Variants in DCAF1 observed in about 807,000 individuals in gnomAD.
DCAF1 encodes the protein DDB1 and CUL4 associated factor 1.
In DCAF1, 15 loss-of-function variants were observed where a neutral mutation model predicts 128.0. That is an observed-to-expected ratio of 0.12 (90% CI 0.08 to 0.18). DCAF1 has a LOEUF of 0.18. Ranked by LOEUF, DCAF1 falls within the 10% of genes least tolerant of loss-of-function variation. DCAF1 has a pLI of 1.00. For synonymous variants in DCAF1, 610 were observed against 603.0 expected (o/e 1.01, Z -0.17); for missense variants, 988 against 1,649.5 (o/e 0.60, Z 6.95).
intron 2 of DCAF1, among the ~76,000 whole-genome samples, chr3:51,494,556 A>G (rs1297038647): frequency 6.6e-6 from 1 of 152,164 alleles, no homozygotes; most frequent in East Asian, 1.9e-4. Context: ...ATTTACCACA[A>G]TTTTTTAATG....
At chr3:51,457,548 AG>A (rs1350360493) in intron 6 of DCAF1, among the ~76,000 whole-genome samples, 1 of 152,230 alleles carries the variant, frequency 6.6e-6, no homozygotes, top group Non-Finnish European at 1.5e-5. Context: ...ATTCAAATTA[AG>A]GAAATACACA....
intron 6 of DCAF1, among the ~76,000 whole-genome samples, chr3:51,457,059 C>T (rs1448634048): frequency 1.3e-5 from 2 of 152,102 alleles, no homozygotes; most frequent in African/African-American, 2.4e-5. Context: ...CAAAGCTGGA[C>T]GGAGAATGAC....
At position 51,420,017 on chromosome 3, in the gene DCAF1, T is replaced by C. The variant is rs1553631825; in HGVS notation, c.2953A>G (p.Ser985Gly). 6.2e-7 allele frequency: 1 copy of C among 1,614,032 alleles called. No homozygotes were observed. The highest frequency in any genetic ancestry group is 8.5e-7 in the Non-Finnish European group (1 of 1,179,906). Reference sequence around the variant, plus strand: ...TGTTTTTTTATGGCTGGGCTTTGGCTGTAGGCACCATGGTCCGACTTCTGC... The same window carrying C: ...TGTTTTTTTATGGCTGGGCTTTGGCCGTAGGCACCATGGTCCGACTTCTGC... ...LRQKSDHGAY[S>G]QSPAIKKQLD... Residue 985 changes from serine (S) to glycine (G), a missense_variant, in exon 15 of 25, where the codon AGC (serine) becomes GGC (glycine). Physicochemically the swap from Ser to Gly is moderately conservative, Grantham distance 56. Transcript: ENST00000684031. The surrounding 1 kb of genome is among the most constrained non-coding windows in gnomAD (Gnocchi z 6.5).
Position 51,403,155 on chromosome 3 carries a change from T to C in DCAF1, c.4453A>G (p.Ile1485Val), listed in dbSNP as rs2089857353. The C allele has an allele frequency of 5.6e-6, 9 of 1,612,348 alleles. No homozygotes were observed. The highest frequency in any genetic ancestry group is 7.6e-6 in the Non-Finnish European group (9 of 1,179,066). ...GCCCTATACTTACTGTCCCCCAGGA[T>C]CAGTTCCACCTCCTCATCTGCATCA... ...DSDADEEVEL[I>V]LGDTDSSDNS... Residue 1485 changes from isoleucine (I) to valine (V), a missense_variant, in exon 24 of 25, where the codon ATC becomes GTC. Coordinates refer to ENST00000684031, the MANE Select transcript of DCAF1 (RefSeq NM_001387579.1).
At chr3:51,446,296 G>A (rs914630240) in intron 6 of DCAF1, among the ~76,000 whole-genome samples, 10 of 152,034 alleles carry the variant, frequency 6.6e-5, no homozygotes, top group Non-Finnish European at 8.8e-5. Context: ...CACCGCACCC[G>A]GCCAAGTTCT....
chr3:51,493,256 A>C (rs1252613243), intron 2 of DCAF1, among the ~76,000 whole-genome samples: 3 of 151,180 alleles, frequency 2.0e-5, no homozygotes, highest in Admixed American at 6.6e-5. Context: ...GACCAGCCTG[A>C]CCAACATGGA....
At chr3:51,466,774 C>A (rs782571430) in intron 5 of DCAF1, 29 bp downstream of exon 5, 4 of 1,600,794 alleles carry the variant, frequency 2.5e-6, no homozygotes, top group Non-Finnish European at 1.7e-6. Context: ...AGATGATAAT[C>A]GCTGGAGAAA....
At chr3:51,470,572 A>C (rs1014593703) in intron 4 of DCAF1, among the ~76,000 whole-genome samples, 1 of 152,196 alleles carries the variant, frequency 6.6e-6, no homozygotes. Flanking sequence ...TCTCCAAAAA[A>C]GAAAAAGTCT....
At chr3:51,438,865 C>T (rs1175613012) in intron 9 of DCAF1, among the ~76,000 whole-genome samples, 2 of 152,214 alleles carry the variant, frequency 1.3e-5, no homozygotes, top group African/African-American at 4.8e-5. Context: ...CCTGCCTCAG[C>T]CTCCCAAAGT....
At chr3:51,450,866 G>A (rs1702273522) in intron 6 of DCAF1, among the ~76,000 whole-genome samples, 1 of 151,882 alleles carries the variant, frequency 6.6e-6, no homozygotes, top group South Asian at 2.1e-4. Context: ...GAAATTAAAG[G>A]AATCCAGATT....
intron 11 of DCAF1, among the ~76,000 whole-genome samples, 156 bp downstream of exon 11, chr3:51,429,877 T>C (rs1324916470): frequency 2.0e-5 from 3 of 151,496 alleles, no homozygotes; most frequent in African/African-American, 7.3e-5. Flanking sequence ...AAAGAGAAAT[T>C]TGTGAAGAAA....
At chr3:51,422,924 C>T (rs1211395512) in intron 13 of DCAF1, among the ~76,000 whole-genome samples, 8 of 151,664 alleles carry the variant, frequency 5.3e-5, no homozygotes, top group South Asian at 2.1e-4. Context: ...AGATATTAGC[C>T]GGGTGTGGTA....
At position 51,413,976 on chromosome 3, in the gene DCAF1, T is replaced by C. The variant is rs781941343; in HGVS notation, c.3905A>G (p.Asn1302Ser). 6 of 1,597,462 alleles carry C rather than the reference T, an allele frequency of 3.8e-6. No individual in the cohort carries two copies. Among genetic ancestry groups the C allele is most frequent in the South Asian group, 2.3e-5 (2 of 86,758 alleles). ...TCCATACATCACTGTTCCCGTGTGA[T>C]TGAACACCACGCGACACTGATCCAG... is the stretch of plus-strand genomic sequence containing the variant. ...PALDQCRVVF[N>S]HTGTVMYGAM... The change falls in exon 20 of 25, where the codon AAT becomes AGT. Residue 1302 changes from asparagine to serine, a missense_variant. Physicochemically the swap from Asn to Ser is conservative, Grantham distance 46. Transcript: ENST00000684031.
chr3:51,446,925 G>A (rs35746825), intron 6 of DCAF1, among the ~76,000 whole-genome samples: 4,891 of 143,886 alleles, frequency 0.034, 132 homozygotes, highest in Non-Finnish European at 0.051. Context: ...ACGCCACTGC[G>A]CTCCAGCCTG....
chr3:51,453,005 G>A (rs1702512750), intron 6 of DCAF1, among the ~76,000 whole-genome samples: 1 of 149,012 alleles, frequency 6.7e-6, no homozygotes, highest in African/African-American at 2.5e-5. Context: ...AACAGAGTGA[G>A]GCTCTGTCTC....
chr3:51,429,914 G>C (rs1700225346), intron 11 of DCAF1, 119 bp downstream of exon 11: 1 of 591,772 alleles, frequency 1.7e-6, no homozygotes, highest in Non-Finnish European at 3.0e-6. Flanking sequence ...TTCACAAAAA[G>C]AATGGCAGCA....
intron 18 of DCAF1, among the ~76,000 whole-genome samples, chr3:51,416,388 G>A (rs1349432250): frequency 6.6e-6 from 1 of 152,052 alleles, no homozygotes; most frequent in Non-Finnish European, 1.5e-5. Context: ...CTAGATAAAA[G>A]AGAAGTCCCC....
intron 9 of DCAF1, among the ~76,000 whole-genome samples, chr3:51,433,995 T>A (rs1030355905): frequency 2.7e-5 from 4 of 150,134 alleles, no homozygotes; most frequent in Non-Finnish European, 5.9e-5. Flanking sequence ...GGCAGGAGGA[T>A]CGCCTGAACC....
chr3:51,484,829 C>A (rs1706734636), intron 2 of DCAF1, among the ~76,000 whole-genome samples: 1 of 139,170 alleles, frequency 7.2e-6, no homozygotes, highest in African/African-American at 2.7e-5. Context: ...ATTACAGGCG[C>A]CCGCCACCAT....
Sources: allele counts gnomAD v4.1 joint callset (sites outside exome capture counted in the v4.1 genomes callset), GRCh38; gene constraint gnomAD v4.1.1; non-coding constraint Gnocchi (gnomAD v3.1); transcripts MANE v1.5; gene names NCBI Gene and HGNC (gene_info 2026-07-23, HGNC 2026-07-21).